The following ONECUT2 variants were observed in gnomAD, a reference collection of about 807,000 sequenced individuals.
The protein encoded by ONECUT2 is one cut domain family member 2.
A neutral mutation model predicts 27.9 loss-of-function variants in ONECUT2; 10 were observed. The observed-to-expected ratio is 0.36, with a 90% confidence interval of 0.22 to 0.61. The LOEUF (loss-of-function observed/expected upper bound fraction) is 0.61. ONECUT2 is among the 20% of genes least tolerant of loss of function. The pLI, the probability that ONECUT2 is intolerant of heterozygous loss-of-function variation, is 0.73. For missense variants in ONECUT2, 686 were observed against 721.0 expected (o/e 0.95, Z 0.56); for synonymous variants, 334 against 315.1 (o/e 1.06, Z -0.64).
At chr18:57,469,075 C>T (rs1266994597) in intron 1 of ONECUT2, among the ~76,000 whole-genome samples, 5 of 152,144 alleles carry the variant, frequency 3.3e-5, no homozygotes, top group Non-Finnish European at 7.3e-5. Flanking sequence ...CAAATGTGAA[C>T]CTACTTTTGT....
At chr18:57,456,769 G>A (rs970865648) in intron 1 of ONECUT2, among the ~76,000 whole-genome samples, 21 of 152,136 alleles carry the variant, frequency 1.4e-4, no homozygotes, top group African/African-American at 4.6e-4. Flanking sequence ...AAGATTGTTT[G>A]TTATTTATAT....
At chr18:57,441,708 C>T (rs2050175142) in intron 1 of ONECUT2, among the ~76,000 whole-genome samples, 1 of 152,278 alleles carries the variant, frequency 6.6e-6, no homozygotes, top group Non-Finnish European at 1.5e-5. Context: ...CTAAAGCTGC[C>T]TGCTAACGGC....
chr18:57,435,761 A>G lies in ONECUT2; in HGVS notation c.45A>G (p.Leu15=). The G allele has an allele frequency of 1.6e-6, 2 of 1,268,748 alleles. No homozygotes were observed. The highest frequency in any genetic ancestry group is 2.1e-6 in the Non-Finnish European group (2 of 972,706). 78.6% of individuals were successfully genotyped at this position (1,268,748 alleles called of 1,614,324 possible). ...YTAYRCLTKD[L]EGCAMNPELT... The stretch of plus-strand genomic sequence containing the variant: ...CCTATCGATGCCTCACCAAAGACCT[A>G]GAAGGCTGCGCCATGAACCCGGAGC... Residue 15 remains leucine (L), a synonymous_variant, in exon 1 of 2, where the codon CTA becomes CTG. Coordinates refer to ENST00000491143, the MANE Select transcript of ONECUT2 (RefSeq NM_004852.3).
At position 57,476,987 on chromosome 18, in the gene ONECUT2, A is replaced by T. The variant is rs2050386986; in HGVS notation, c.*264A>T. On this transcript the variant is annotated 3_prime_UTR_variant, in exon 2 of 2. Coordinates refer to ENST00000491143, the MANE Select transcript of ONECUT2 (RefSeq NM_004852.3). ...ACACTGTTCTCTGAGCATGCTAAGCATCCCAGAAACCCAAATGGGGCCTTC... is the reference window on the plus strand; with the variant it reads ...ACACTGTTCTCTGAGCATGCTAAGCTTCCCAGAAACCCAAATGGGGCCTTC... 4.3e-6 allele frequency: 2 copies of T among 468,202 alleles called. No homozygotes were observed. The highest frequency in any genetic ancestry group is 5.8e-4 in the Middle Eastern group (1 of 1,730). 29.0% of individuals were successfully genotyped at this position (468,202 alleles called of 1,614,324 possible).
intron 1 of ONECUT2, among the ~76,000 whole-genome samples, chr18:57,446,286 A>T (rs1008906400): frequency 1.3e-5 from 2 of 152,238 alleles, no homozygotes; most frequent in Non-Finnish European, 2.9e-5. Flanking sequence ...ACCATCAATC[A>T]CACACATACA....
At chr18:57,474,974 C>G (rs887980107) in intron 1 of ONECUT2, among the ~76,000 whole-genome samples, 2 of 152,044 alleles carry the variant, frequency 1.3e-5, no homozygotes, top group African/African-American at 4.8e-5. Context: ...GGCCTCTGCT[C>G]CTTCCTGGCC....
Position 57,487,725 on chromosome 18 carries a change from A to G in ONECUT2, c.*11002A>G, listed in dbSNP as rs2050445318. ...CTCTCACTTAATTTTTACCTGCCCAACAATGTTCCATCTACCATCTAAAAG... is the reference window on the plus strand; with the variant it reads ...CTCTCACTTAATTTTTACCTGCCCAGCAATGTTCCATCTACCATCTAAAAG... On this transcript the variant is annotated 3_prime_UTR_variant, in exon 2 of 2. Transcript: ENST00000491143. The G allele has an allele frequency of 1.3e-5, 2 of 152,130 alleles. No homozygotes were observed. The highest frequency in any genetic ancestry group is 2.9e-5 in the Non-Finnish European group (2 of 68,026). 9.4% of individuals were successfully genotyped at this position (152,130 alleles called of 1,614,324 possible).
At position 57,435,746 on chromosome 18, in the gene ONECUT2, C is replaced by A; in HGVS notation, c.30C>A (p.Cys10Ter). 1 of 1,268,158 alleles carries A rather than the reference C, an allele frequency of 7.9e-7. No homozygotes were observed. The highest frequency in any genetic ancestry group is 1.3e-5 in the South Asian group (1 of 75,232). The allele number at this position is 1,268,158 out of a possible 1,614,324, so 78.6% of individuals were successfully genotyped here. MKAAYTAYR[C>*]LTKDLEGCAM... ...AGGCTGCCTACACCGCCTATCGATG[C>A]CTCACCAAAGACCTAGAAGGCTGCG... Residue 10 changes from cysteine to a stop codon, truncating the protein, a stop_gained, in exon 1 of 2, where the codon TGC (cysteine) becomes TGA (stop). Transcript: ENST00000491143. LOFTEE classifies it high-confidence loss of function.
chr18:57,441,305 C>A (rs1247660959), intron 1 of ONECUT2, among the ~76,000 whole-genome samples: 1 of 152,254 alleles, frequency 6.6e-6, no homozygotes, highest in Non-Finnish European at 1.5e-5. Flanking sequence ...CTTGATCCGG[C>A]GCGTTTCCAG....
rs576506054 is a variant in ONECUT2, at chr18:57,435,377, G to T, written c.-340G>T. ...GTTGGCTGCCCCGGCGAGCGGCAGA[G>T]CCCTTCTGGACAGCTCCCGCTCACC... On this transcript the variant is annotated 5_prime_UTR_variant, in exon 1 of 2. Transcript: ENST00000491143. 2.0e-5 allele frequency among the ~76,000 whole-genome samples: 3 copies of T among 151,890 alleles called. No individual in the cohort carries two copies. The highest frequency in any genetic ancestry group is 2.9e-5 in the Non-Finnish European group (2 of 67,978).
rs113018938 is a variant in ONECUT2, at chr18:57,460,212, C to T, written c.1229-16225C>T. ...TGCTGGGGTTATAGGCGTGAGCCAC[C>T]ATGCCTGGCCTTGGGTCATTTTTAA... On this transcript the variant is annotated intron_variant, in intron 1 of 1. Transcript: ENST00000491143. 3.7e-3 allele frequency among the ~76,000 whole-genome samples: 566 copies of T among 152,296 alleles called. 3 individuals are homozygous for T. The highest frequency in any genetic ancestry group is 0.013 in the African/African-American group (553 of 41,568).
Position 57,487,830 on chromosome 18 carries a change from T to C in ONECUT2, c.*11107T>C, listed in dbSNP as rs1449958403. ...CCTTCAATTATCTGAGGCCTCTATA[T>C]GTCAAAACTATTTTTCAGTTGCAGG... On this transcript the variant is annotated 3_prime_UTR_variant, in exon 2 of 2. Coordinates refer to ENST00000491143, the MANE Select transcript of ONECUT2 (RefSeq NM_004852.3). The C allele has an allele frequency of 6.6e-6, 1 of 152,220 alleles. No homozygotes were observed. The highest frequency in any genetic ancestry group is 1.9e-4 in the East Asian group (1 of 5,204). The allele number at this position is 152,220 out of a possible 1,614,324, so 9.4% of individuals were successfully genotyped here.
In ONECUT2 at chr18:57,435,760, T is replaced by C; in HGVS notation, c.44T>C (p.Leu15Pro). The C allele has an allele frequency of 7.9e-7, 1 of 1,264,306 alleles. No homozygotes were observed. Among genetic ancestry groups the C allele is most frequent in the Non-Finnish European group, 1.0e-6 (1 of 970,838 alleles). The allele number at this position is 1,264,306 out of a possible 1,614,324, so 78.3% of individuals were successfully genotyped here. Reference sequence around the variant, plus strand: ...GCCTATCGATGCCTCACCAAAGACCTAGAAGGCTGCGCCATGAACCCGGAG... The same window carrying C: ...GCCTATCGATGCCTCACCAAAGACCCAGAAGGCTGCGCCATGAACCCGGAG... ...YTAYRCLTKD[L>P]EGCAMNPELT... Residue 15 changes from leucine (L) to proline (P), a missense_variant, in exon 1 of 2, where the codon CTA (leucine) becomes CCA (proline). By Grantham distance (98) the Leu-to-Pro change is moderately conservative (BLOSUM62 -3). This residue lies in a region of ONECUT2 where 511 missense variants were observed against 488.1 expected (regional missense o/e 1.05). Coordinates refer to ENST00000491143, the MANE Select transcript of ONECUT2 (RefSeq NM_004852.3).
Position 57,479,747 on chromosome 18 carries a change from T to C in ONECUT2, c.*3024T>C, listed in dbSNP as rs919271019. ...TGGGGTGCTCATCTTCTGTAACTGTTGGGAAGGCTCGGTGGTCCATTTTCA... is the reference window on the plus strand; with the variant it reads ...TGGGGTGCTCATCTTCTGTAACTGTCGGGAAGGCTCGGTGGTCCATTTTCA... On this transcript the variant is annotated 3_prime_UTR_variant, in exon 2 of 2. Transcript: ENST00000491143. 1 of 152,538 alleles carries C rather than the reference T, an allele frequency of 6.6e-6. No individual in the cohort carries two copies. The highest frequency in any genetic ancestry group is 1.5e-5 in the Non-Finnish European group (1 of 68,038). The allele number at this position is 152,538 out of a possible 1,614,324, so 9.4% of individuals were successfully genotyped here.
rs565177428 is a variant in ONECUT2 at position 57,486,505 on chromosome 18, C to T, written c.*9782C>T. On this transcript the variant is annotated 3_prime_UTR_variant, in exon 2 of 2. Transcript: ENST00000491143. Reference sequence around the variant, plus strand: ...CAATGCAGACCGCGCAATTCCTTACCGAATTTTCTCAGATATACCTCATAG... The same window carrying T: ...CAATGCAGACCGCGCAATTCCTTACTGAATTTTCTCAGATATACCTCATAG... 5.9e-5 allele frequency: 9 copies of T among 152,524 alleles called. No homozygotes were observed. Among genetic ancestry groups the T allele is most frequent in the South Asian group, 2.1e-4 (1 of 4,816 alleles). 9.4% of individuals were successfully genotyped at this position (152,524 alleles called of 1,614,324 possible). A position where few individuals can be genotyped will look rare whatever the true frequency, so the allele number is the denominator to read the frequency against.
At chr18:57,449,436 T>C (rs1470330137) in intron 1 of ONECUT2, among the ~76,000 whole-genome samples, 1 of 152,236 alleles carries the variant, frequency 6.6e-6, no homozygotes, top group African/African-American at 2.4e-5. Context: ...GCACATCATT[T>C]AGGAGAAGCA....
rs752999740 is a variant in ONECUT2 at position 57,435,992 on chromosome 18, CACGGCGGCA to C, written c.277_285del (p.Thr93_Ala95del). On this transcript the variant is annotated inframe_deletion, in exon 1 of 2. Transcript: ENST00000491143. ...CTCCAACCGCGCACCAGGAGCTGGG[CACGGCGGCA>C]GCGGCGGCAGCGGCGGCGTCGCGCT... The C allele has an allele frequency of 3.3e-6, 5 of 1,506,314 alleles. No individual in the cohort carries two copies. The highest frequency in any genetic ancestry group is 1.4e-5 in the African/African-American group (1 of 72,176). 93.3% of individuals were successfully genotyped at this position (1,506,314 alleles called of 1,614,324 possible). A position where few individuals can be genotyped will look rare whatever the true frequency, so the allele number is the denominator to read the frequency against.
rs1341524684 is a variant in ONECUT2 at position 57,436,598 on chromosome 18, C to T, written c.882C>T (p.Gly294=). 2 of 1,610,348 alleles carry T rather than the reference C, an allele frequency of 1.2e-6. No homozygotes were observed. The highest frequency in any genetic ancestry group is 2.7e-5 in the African/African-American group (2 of 74,940). The change falls in exon 1 of 2, where the codon GGC becomes GGT. Residue 294 remains glycine, a synonymous_variant. Coordinates refer to ENST00000491143, the MANE Select transcript of ONECUT2 (RefSeq NM_004852.3). This position sits in a 1 kb window ranked among gnomAD's most constrained non-coding sequence, Gnocchi z 5.9. ...CGGCCATGATGTCGCACCTGAACGG[C>T]CTGCACCACCCGGGCCACACTCAGT... The part of the protein sequence containing the change: ...PPAAMMSHLN[G]LHHPGHTQSH...
intron 1 of ONECUT2, among the ~76,000 whole-genome samples, chr18:57,456,264 TC>T (rs1435292408): frequency 6.6e-6 from 1 of 152,084 alleles, no homozygotes; most frequent in Non-Finnish European, 1.5e-5. Context: ...GAAAGCAGGG[TC>T]TGAAAGAGAT....
Sources: gnomAD v4.1 joint callset for allele counts (sites outside exome capture counted in the v4.1 genomes callset) on GRCh38, gnomAD v4.1.1 for gene constraint, gnomAD v4.1.1 regional missense constraint, Gnocchi (gnomAD v3.1) non-coding constraint, MANE v1.5 for transcripts, NCBI Gene and HGNC (gene_info 2026-07-23, HGNC 2026-07-21) for gene names.